Variants in MTA3 observed in about 807,000 individuals in gnomAD.
The protein encoded by MTA3 is metastasis-associated protein MTA3.
A neutral mutation model predicts 83.5 loss-of-function variants in MTA3; 34 were observed. The ratio of observed to expected loss-of-function variants is 0.41; its 90% CI spans 0.31 to 0.54. The LOEUF (loss-of-function observed/expected upper bound fraction) is 0.54. MTA3 is among the 20% of genes least tolerant of loss of function. MTA3 has a pLI of 0.33. For missense variants in MTA3, 761 were observed against 726.4 expected (o/e 1.05, Z -0.55); for synonymous variants, 303 against 252.7 (o/e 1.20, Z -1.89).
intron 11 of MTA3, chr2:42,703,547 A>G (rs1297085673): frequency 6.6e-6 from 1 of 152,302 alleles, no homozygotes; most frequent in East Asian, 1.9e-4. Flanking sequence ...GTTTGATCCA[A>G]ATAATTATTT....
Position 42,728,227 on chromosome 2 carries a change from A to G in MTA3, c.1759+5192A>G, listed in dbSNP as rs146963809. 4.5e-3 allele frequency among the ~76,000 whole-genome samples: 681 copies of G among 152,340 alleles called. 7 individuals are homozygous for G. The highest frequency in any genetic ancestry group is 0.015 in the African/African-American group (630 of 41,586). On this transcript the variant is annotated intron_variant, in intron 16 of 16. Transcript: ENST00000405094. ...CTGTTCATGGCTTATTTCACTTAAC[A>G]TAATGTCCTCCAGCTTTATCCATGT...
chr2:42,520,545 C>G (rs761548122), intron 2 of MTA3, among the ~76,000 whole-genome samples: 13 of 152,016 alleles, frequency 8.6e-5, no homozygotes, highest in Non-Finnish European at 1.3e-4. Context: ...CATCTCAGGT[C>G]ATCCATCATT....
At chr2:42,735,601 G>T in intron 16 of MTA3, among the ~76,000 whole-genome samples, 1 of 151,924 alleles carries the variant, frequency 6.6e-6, no homozygotes, top group Admixed American at 6.5e-5. Flanking sequence ...TTTTAGATTT[G>T]CCCCTTTGAA....
At chr2:42,734,210 C>T (rs1474988527) in intron 16 of MTA3, among the ~76,000 whole-genome samples, 2 of 152,060 alleles carry the variant, frequency 1.3e-5, no homozygotes, top group African/African-American at 4.8e-5. Flanking sequence ...CTGGGTGCTC[C>T]AGTGCTTGGT....
intron 2 of MTA3, chr2:42,533,323 A>T (rs1461852275): frequency 2.0e-5 from 3 of 150,984 alleles, no homozygotes; most frequent in Admixed American, 6.6e-5. Flanking sequence ...TCCTGACCTC[A>T]GGAGATCCGC....
In MTA3 at chr2:42,643,862, G is replaced by A. The variant is rs145524229; in HGVS notation, c.382-265G>A. Among the ~76,000 whole-genome samples, 23 of 152,172 alleles carry A rather than the reference G, an allele frequency of 1.5e-4. No individual in the cohort carries two copies. In the East Asian group the frequency reaches 3.1e-3, roughly 20 times the overall value. On this transcript the variant is annotated intron_variant, in intron 5 of 16. Transcript: ENST00000405094. ...TGAAACTCTGCTTTAGAGAGCAAAT[G>A]GTTTTCTTTTAGACTAAAACAAATA...
At chr2:42,549,460 TATAC>T (rs1676985806) in intron 2 of MTA3, among the ~76,000 whole-genome samples, 1 of 95,186 alleles carries the variant, frequency 1.1e-5, no homozygotes, top group Non-Finnish European at 1.8e-5. Flanking sequence ...ATATATTATA[TATAC>T]ATATTATATA....
intron 14 of MTA3, chr2:42,709,444 C>A: frequency 5.4e-6 from 2 of 371,794 alleles, no homozygotes; most frequent in South Asian, 3.2e-5. Context: ...ACAATGTAAC[C>A]CCTAAGGATG....
intron 2 of MTA3, among the ~76,000 whole-genome samples, chr2:42,572,354 C>A (rs1223879201): frequency 6.6e-6 from 1 of 151,904 alleles, no homozygotes; most frequent in Admixed American, 6.6e-5. Flanking sequence ...GAAGCTGAGG[C>A]CTCAGGATCC....
At chr2:42,725,411 A>C (rs905788895) in intron 16 of MTA3, among the ~76,000 whole-genome samples, 5 of 152,230 alleles carry the variant, frequency 3.3e-5, no homozygotes, top group Non-Finnish European at 7.3e-5. Flanking sequence ...TCTCAAATGC[A>C]CTGTATTAGG....
chr2:42,658,528 C>T (rs1010072803), intron 7 of MTA3, among the ~76,000 whole-genome samples: 13 of 152,200 alleles, frequency 8.5e-5, no homozygotes, highest in East Asian at 3.9e-4. Flanking sequence ...AACCCACAAA[C>T]GTAATTTTAA....
intron 2 of MTA3, among the ~76,000 whole-genome samples, chr2:42,516,707 A>G (rs1032219305): frequency 5.3e-5 from 8 of 152,320 alleles, no homozygotes; most frequent in Middle Eastern, 6.8e-3. Context: ...ATATATAGAG[A>G]AAACAAAGAA....
intron 4 of MTA3, among the ~76,000 whole-genome samples, chr2:42,616,018 C>T (rs1451656596): frequency 6.8e-6 from 1 of 146,580 alleles, no homozygotes; most frequent in African/African-American, 2.5e-5. Flanking sequence ...CCGTGCCCGG[C>T]CGTACAGGCG....
chr2:42,534,530 G>A (rs1346097258), intron 2 of MTA3, among the ~76,000 whole-genome samples: 1 of 152,150 alleles, frequency 6.6e-6, no homozygotes, highest in Admixed American at 6.6e-5. Context: ...CCGGGAGGCA[G>A]AGGTTGCAGT....
chr2:42,594,267 A>G (rs1377057808), intron 3 of MTA3, among the ~76,000 whole-genome samples: 1 of 45,974 alleles, frequency 2.2e-5, no homozygotes, highest in Non-Finnish European at 4.2e-5. Flanking sequence ...TTTTTTTTTA[A>G]AAGACAGTCC....
chr2:42,515,653 C>A (rs1378853030), intron 2 of MTA3, among the ~76,000 whole-genome samples: 1 of 151,590 alleles, frequency 6.6e-6, no homozygotes, highest in African/African-American at 2.4e-5. Context: ...CAGGTGTGCA[C>A]CACCTCGCTC....
At chr2:42,669,691 C>T (rs1449434495) in intron 8 of MTA3, among the ~76,000 whole-genome samples, 1 of 152,138 alleles carries the variant, frequency 6.6e-6, no homozygotes, top group Non-Finnish European at 1.5e-5. Context: ...GGAGACGCTG[C>T]AGACTATCCT....
chr2:42,511,852 AC>A (rs2103670088), intron 2 of MTA3: 2 of 152,210 alleles, frequency 1.3e-5, no homozygotes, highest in South Asian at 4.1e-4. Flanking sequence ...CCCCATCTCT[AC>A]TAAAAATACA....
At chr2:42,713,086 T>G (rs1666757293) in intron 14 of MTA3, among the ~76,000 whole-genome samples, 1 of 152,126 alleles carries the variant, frequency 6.6e-6, no homozygotes, top group Non-Finnish European at 1.5e-5. Flanking sequence ...CTAGCAACAT[T>G]CCAAAGATGA....
Sources: gnomAD v4.1 joint callset for allele counts (sites outside exome capture counted in the v4.1 genomes callset) on GRCh38, gnomAD v4.1.1 for gene constraint, MANE v1.5 for transcripts, NCBI Gene and HGNC (gene_info 2026-07-23, HGNC 2026-07-21) for gene names.